The following PTPN9 variants were observed in gnomAD, a reference collection of about 807,000 sequenced individuals.
PTPN9 encodes protein tyrosine phosphatase non-receptor type 9, also known as tyrosine-protein phosphatase non-receptor type 9.
PTPN9 carries 26 observed loss-of-function variants against 69.8 expected under a neutral mutation model. The observed-to-expected ratio is 0.37, with a 90% confidence interval of 0.27 to 0.52. PTPN9 has a LOEUF of 0.52. Ranked by LOEUF, PTPN9 falls within the 20% of genes least tolerant of loss-of-function variation. The probability of loss-of-function intolerance (pLI) is 0.91; values close to 1 mark genes in which losing one functional copy is unlikely to be tolerated. For missense variants in PTPN9, 549 were observed against 740.3 expected, an observed-to-expected ratio of 0.74 and a Z score of 3.00; for synonymous variants, 274 against 272.5, an observed-to-expected ratio of 1.01 and a Z score of -0.05.
At chr15:75,546,558 G>A (rs955009114) in intron 1 of PTPN9, among the ~76,000 whole-genome samples, 3 of 151,468 alleles carry the variant, frequency 2.0e-5, no homozygotes, top group African/African-American at 4.9e-5. Flanking sequence ...CAGGAGAATC[G>A]CTTCAACCTG....
intron 8 of PTPN9, among the ~76,000 whole-genome samples, chr15:75,488,680 G>C (rs1242366500): frequency 2.0e-5 from 3 of 152,118 alleles, no homozygotes; most frequent in Non-Finnish European, 4.4e-5. Context: ...TGTAGTCTCA[G>C]CTACTTGGGA....
intron 5 of PTPN9, chr15:75,513,297 AT>A (rs1463478540): frequency 8.8e-6 from 4 of 455,966 alleles, no homozygotes; most frequent in Non-Finnish European, 1.8e-5. Flanking sequence ...CCTGAAATAA[AT>A]TGTTGCATCT....
intron 5 of PTPN9, among the ~76,000 whole-genome samples, chr15:75,514,533 C>G (rs531979611): frequency 6.6e-6 from 1 of 152,134 alleles, no homozygotes; most frequent in African/African-American, 2.4e-5. Flanking sequence ...GAGCCAAGAT[C>G]GTGCCACTGC....
In PTPN9 at chr15:75,506,051, C is replaced by T. The variant is rs188430417; in HGVS notation, c.640-48G>A. 1.0e-4 allele frequency: 141 copies of T among 1,393,836 alleles called. No individual in the cohort carries two copies. The Middle Eastern group carries it at 1.1e-3, about 11-fold the overall frequency. The allele number at this position is 1,393,836 out of a possible 1,614,324, so 86.3% of individuals were successfully genotyped here. On this transcript the variant is annotated intron_variant, in intron 6 of 12. Transcript: ENST00000618819. ...GTGAGTATGTGGGAGGAGGGAAAGGCATATAGAGTGACAAAGAATAAATGT... is the reference window on the plus strand; with the variant it reads ...GTGAGTATGTGGGAGGAGGGAAAGGTATATAGAGTGACAAAGAATAAATGT...
At chr15:75,562,940 C>T (rs914529262) in intron 1 of PTPN9, among the ~76,000 whole-genome samples, 3 of 151,722 alleles carry the variant, frequency 2.0e-5, no homozygotes, top group African/African-American at 7.3e-5. Flanking sequence ...TTCTTTCCAT[C>T]TTTTATTTTA....
At chr15:75,491,858 C>T (rs866256321) in intron 7 of PTPN9, among the ~76,000 whole-genome samples, 2 of 152,174 alleles carry the variant, frequency 1.3e-5, no homozygotes, top group Admixed American at 1.3e-4. Flanking sequence ...ATTTCTACTA[C>T]TTATTTGTCA....
In PTPN9 at chr15:75,574,366, G is replaced by A. The variant is rs78942372; in HGVS notation, c.63+4348C>T. ...CTTTGCGGGGCAGGCAGGCTGAGGG[G>A]AAGATGAAATCAGATTTTCAACAGG... On this transcript the variant is annotated intron_variant, in intron 1 of 12. Transcript: ENST00000618819. 8.4e-3 allele frequency among the ~76,000 whole-genome samples: 1,271 copies of A among 152,150 alleles called. 33 individuals are homozygous for A. The East Asian group carries it at 0.1, about 12-fold the overall frequency.
Position 75,490,133 on chromosome 15 carries a change from G to T in PTPN9, c.1062+75C>A, listed in dbSNP as rs1481982545. ...CGGAGTCTACTTTCATTCTACCGAA[G>T]TATTAGTAAGCTTCACTTTGGAAGA... On this transcript the variant is annotated intron_variant, in intron 8 of 12. Transcript: ENST00000618819. 3.4e-6 allele frequency: 4 copies of T among 1,177,118 alleles called. No individual in the cohort carries two copies. In the East Asian group the frequency reaches 9.3e-5, roughly 28 times the overall value. 72.9% of individuals were successfully genotyped at this position (1,177,118 alleles called of 1,614,324 possible).
At chr15:75,543,884 T>C (rs2141331721) in intron 1 of PTPN9, among the ~76,000 whole-genome samples, 1 of 132,976 alleles carries the variant, frequency 7.5e-6, no homozygotes, top group South Asian at 2.4e-4. Context: ...AAAAATGAGT[T>C]AGGGAGCTCT....
At chr15:75,537,864 G>C (rs574150118) in intron 1 of PTPN9, among the ~76,000 whole-genome samples, 25 of 150,872 alleles carry the variant, frequency 1.7e-4, no homozygotes, top group Non-Finnish European at 2.5e-4. Context: ...TTCAAGACCA[G>C]CCTGGCCAAC....
chr15:75,571,377 C>CA (rs2075147595), intron 1 of PTPN9, among the ~76,000 whole-genome samples: 1 of 152,064 alleles, frequency 6.6e-6, no homozygotes, highest in Non-Finnish European at 1.5e-5. Flanking sequence ...ATCCTCACAA[C>CA]ATTGTAAGGT....
intron 4 of PTPN9, among the ~76,000 whole-genome samples, chr15:75,520,784 G>A (rs540725242): frequency 6.6e-6 from 1 of 151,998 alleles, no homozygotes; most frequent in Non-Finnish European, 1.5e-5. Context: ...CAAAGTGCTG[G>A]GACTACACGC....
chr15:75,521,143 C>T (rs1170997918), intron 4 of PTPN9, among the ~76,000 whole-genome samples: 2 of 151,502 alleles, frequency 1.3e-5, no homozygotes, highest in African/African-American at 4.8e-5. Context: ...AGCCACTGCA[C>T]CCAGTTTAAG....
Position 75,470,825 on chromosome 15 carries a change from T to C in PTPN9, c.1214A>G (p.Glu405Gly). The C allele has an allele frequency of 6.2e-7, 1 of 1,613,998 alleles. No homozygotes were observed. The highest frequency in any genetic ancestry group is 8.5e-7 in the Non-Finnish European group (1 of 1,179,986). ...VLVIVMTTRF[E>G]EGGRRKCGQY... ...GCCACACTTTCTCCTGCCGCCTTCC[T>C]CAAAGCTGAAGACACACAGAGCAAG... Residue 405 changes from glutamate (E) to glycine (G), a missense_variant, in exon 11 of 13, where the codon GAG becomes GGG. Glu to Gly is a moderately conservative substitution (Grantham distance 98). Transcript: ENST00000618819.
At chr15:75,508,880 A>G (rs374441758) in intron 6 of PTPN9, 37 bp downstream of exon 6, 13 of 1,442,706 alleles carry the variant, frequency 9.0e-6, no homozygotes, top group Middle Eastern at 1.7e-4. Flanking sequence ...CACTGTATCT[A>G]TTCACCTCCA....
At chr15:75,516,741 C>CTTTTTTTTTT (rs34906409) in intron 5 of PTPN9, among the ~76,000 whole-genome samples, 3 of 87,928 alleles carry the variant, frequency 3.4e-5, no homozygotes, top group African/African-American at 1.6e-4. Context: ...TGTTCCTGTG[C>CTTTTTTTTTT]TTTTTTTTTT....
chr15:75,485,354 CTTTT>C lies in PTPN9; in HGVS notation c.1062+4850_1062+4853del, dbSNP rs891447336. Among the ~76,000 whole-genome samples the C allele has an allele frequency of 4.5e-3, 355 of 78,720 alleles. 1 individual carries two copies. Among genetic ancestry groups the C allele is most frequent in the Non-Finnish European group, 6.8e-3 (298 of 43,798 alleles). The allele number at this position is 78,720 out of a possible 152,430, so 51.6% of individuals were successfully genotyped here. On this transcript the variant is annotated intron_variant, in intron 8 of 12. Coordinates refer to ENST00000618819, the MANE Select transcript of PTPN9 (RefSeq NM_002833.4). ...CATGCTTTGAAAAGAATTGTCACTTCTTTTTTTTTTTTTTTTTTTTTTTTTGAGA... is the reference window on the plus strand; with the variant it reads ...CATGCTTTGAAAAGAATTGTCACTTCTTTTTTTTTTTTTTTTTTTTTGAGA...
chr15:75,472,326 GCGGGCGCCTGAAGTCCCAGCTACT>G lies in PTPN9; in HGVS notation c.1208+1339_1208+1362del, dbSNP rs1373882427. 1.7e-3 allele frequency among the ~76,000 whole-genome samples: 252 copies of G among 151,842 alleles called. 1 individual carries two copies. Among genetic ancestry groups the G allele is most frequent in the African/African-American group, 4.9e-3 (205 of 41,418 alleles). On this transcript the variant is annotated intron_variant, in intron 10 of 12. Transcript: ENST00000618819. ...TACAAAAAATTAGCCGGGCGAGGTG[GCGGGCGCCTGAAGTCCCAGCTACT>G]CGGGAGGCTGAGGCAGGAGAATGGC...
chr15:75,550,782 C>T (rs1463665425), intron 1 of PTPN9, among the ~76,000 whole-genome samples: 1 of 151,994 alleles, frequency 6.6e-6, no homozygotes, highest in Non-Finnish European at 1.5e-5. Context: ...GAAACTCCAT[C>T]TTGGAAAATA....
Sources: allele counts gnomAD v4.1 joint callset (sites outside exome capture counted in the v4.1 genomes callset), GRCh38; gene constraint gnomAD v4.1.1; transcripts MANE v1.5; gene names NCBI Gene and HGNC (gene_info 2026-07-23, HGNC 2026-07-21).